The following STXBP5 variants were observed in gnomAD, a reference collection of about 807,000 sequenced individuals.
The protein encoded by STXBP5 is syntaxin-binding protein 5.
Under a neutral mutation model 152.4 loss-of-function variants are expected in STXBP5, and 50 were observed. That is an observed-to-expected ratio of 0.33 (90% CI 0.26 to 0.42). The LOEUF is 0.42. Among genes scored for constraint, STXBP5 ranks in the 10% least tolerant of loss-of-function variants. The pLI is 1.00. For missense variants in STXBP5, 1,167 were observed against 1,388.6 expected, an observed-to-expected ratio of 0.84 and a Z score of 2.54; for synonymous variants, 492 against 494.7, an observed-to-expected ratio of 0.99 and a Z score of 0.07.
chr6:147,360,964 A>G (rs1197335086), intron 23 of STXBP5, among the ~76,000 whole-genome samples: 1 of 152,174 alleles, frequency 6.6e-6, no homozygotes, highest in Admixed American at 6.5e-5. Context: ...CCATCTTTAC[A>G]TTAAATAATC....
At chr6:147,281,693 A>G (rs567936745) in intron 8 of STXBP5, among the ~76,000 whole-genome samples, 1 of 152,360 alleles carries the variant, frequency 6.6e-6, no homozygotes, top group South Asian at 2.1e-4. Context: ...GATTGCCAAG[A>G]ACTGATTATA....
At chr6:147,210,738 T>C (rs1490027517) in intron 2 of STXBP5, among the ~76,000 whole-genome samples, 2 of 152,196 alleles carry the variant, frequency 1.3e-5, no homozygotes, top group African/African-American at 4.8e-5. Flanking sequence ...GTGAGGTTAT[T>C]GTCACGATTA....
chr6:147,315,770 A>G (rs1470212599), intron 15 of STXBP5, 35 bp downstream of exon 15: 1 of 1,568,402 alleles, frequency 6.4e-7, no homozygotes. Context: ...TGGTCAAGTT[A>G]TTTTCATCCA....
intron 6 of STXBP5, among the ~76,000 whole-genome samples, chr6:147,264,742 T>G (rs1195660773): frequency 1.3e-5 from 2 of 152,140 alleles, no homozygotes; most frequent in Non-Finnish European, 2.9e-5. Context: ...ATTTCCAATT[T>G]TAATTAAGTA....
intron 21 of STXBP5, among the ~76,000 whole-genome samples, chr6:147,349,119 GTTAA>G (rs1334353056): frequency 6.6e-5 from 10 of 151,852 alleles, no homozygotes; most frequent in South Asian, 2.1e-4. Context: ...CTCTGAATCT[GTTAA>G]TTAAGAGGAT....
chr6:147,298,158 T>C (rs556106343), intron 9 of STXBP5, among the ~76,000 whole-genome samples: 1 of 151,996 alleles, frequency 6.6e-6, no homozygotes, highest in East Asian at 1.9e-4. Flanking sequence ...TGGAAAAAGA[T>C]ATTTCATGCA....
chr6:147,297,532 G>T (rs1781589314), intron 9 of STXBP5, among the ~76,000 whole-genome samples: 1 of 152,104 alleles, frequency 6.6e-6, no homozygotes, highest in Non-Finnish European at 1.5e-5. Context: ...CACAGATAGA[G>T]ATAAATTTGT....
In STXBP5 at chr6:147,210,184, A is replaced by G. The variant is rs551722705; in HGVS notation, c.248+4116A>G. ...GAAGGGCTTGACTTGTTTGTATAAAATCTTAGGGAGTAACTAAAGATGATA... is the reference window on the plus strand; with the variant it reads ...GAAGGGCTTGACTTGTTTGTATAAAGTCTTAGGGAGTAACTAAAGATGATA... On this transcript the variant is annotated intron_variant, in intron 2 of 27. Coordinates refer to ENST00000321680, the MANE Select transcript of STXBP5 (RefSeq NM_001127715.4). Among the ~76,000 whole-genome samples, 24 of 152,320 alleles carry G rather than the reference A, an allele frequency of 1.6e-4. No homozygotes were observed. In the East Asian group the frequency reaches 4.6e-3, roughly 29 times the overall value.
At chr6:147,285,043 T>C (rs1780891008) in intron 8 of STXBP5, among the ~76,000 whole-genome samples, 1 of 152,042 alleles carries the variant, frequency 6.6e-6, no homozygotes, top group Admixed American at 6.6e-5. Flanking sequence ...ATTCTGGAAT[T>C]AGAATCAATA....
chr6:147,368,240 TATAAA>T (rs994910064), intron 25 of STXBP5, among the ~76,000 whole-genome samples: 1 of 144,756 alleles, frequency 6.9e-6, no homozygotes, highest in Non-Finnish European at 1.5e-5. Flanking sequence ...CTCTCATAAA[TATAAA>T]AGCAAAATTT....
chr6:147,235,267 T>C lies in STXBP5; in HGVS notation c.266T>C (p.Val89Ala), dbSNP rs747718713. Residue 89 changes from valine (V) to alanine (A), a missense_variant, in exon 3 of 28, where the codon GTA becomes GCA. Transcript: ENST00000321680. ...GALRLFGRPG[V>A]ECYCQHDSGA... ...AATTACAGCTTTGGTCGTCCAGGAGTAGAATGTTATTGCCAGCATGACAGT... is the reference window on the plus strand; with the variant it reads ...AATTACAGCTTTGGTCGTCCAGGAGCAGAATGTTATTGCCAGCATGACAGT... 6.2e-7 allele frequency: 1 copy of C among 1,613,242 alleles called. No homozygotes were observed. The highest frequency in any genetic ancestry group is 8.5e-7 in the Non-Finnish European group (1 of 1,179,474).
intron 21 of STXBP5, among the ~76,000 whole-genome samples, chr6:147,340,746 C>G (rs1375821671): frequency 1.3e-5 from 2 of 152,104 alleles, no homozygotes; most frequent in African/African-American, 4.8e-5. Context: ...ATTAAATGTA[C>G]TGACTACCTT....
chr6:147,337,795 G>A (rs538477994), intron 19 of STXBP5, among the ~76,000 whole-genome samples: 3 of 151,934 alleles, frequency 2.0e-5, no homozygotes, highest in African/African-American at 7.2e-5. Flanking sequence ...TCAGTGTTAC[G>A]TGTGTGATAT....
intron 2 of STXBP5, among the ~76,000 whole-genome samples, chr6:147,213,475 T>TGCGCGC (rs1361174338): frequency 8.3e-5 from 11 of 132,176 alleles, no homozygotes; most frequent in Non-Finnish European, 1.8e-4. Flanking sequence ...TGTGTGTGTG[T>TGCGCGC]GTGCGCGCGC....
intron 21 of STXBP5, among the ~76,000 whole-genome samples, chr6:147,341,634 C>T (rs1312561500): frequency 6.6e-6 from 1 of 151,970 alleles, no homozygotes; most frequent in Non-Finnish European, 1.5e-5. Flanking sequence ...TTTACCTGTT[C>T]TTCGAGAGTA....
At position 147,258,964 on chromosome 6, in the gene STXBP5, A is replaced by G. The variant is rs181144597; in HGVS notation, c.432-1651A>G. Among the ~76,000 whole-genome samples, 6 of 152,204 alleles carry G rather than the reference A, an allele frequency of 3.9e-5. No individual in the cohort carries two copies. In the East Asian group the frequency reaches 7.8e-4, roughly 20 times the overall value. On this transcript the variant is annotated intron_variant, in intron 4 of 27. Transcript: ENST00000321680. ...ATGTTCAGAGCCATGACAATTTGCC[A>G]GTTAAGAAATTCTTGAGTTCATTGT...
chr6:147,310,337 TG>T (rs1782302896), intron 10 of STXBP5, 99 bp downstream of exon 10: 1 of 963,662 alleles, frequency 1.0e-6, no homozygotes, highest in Non-Finnish European at 1.4e-6. Flanking sequence ...CATCCTATTG[TG>T]CTAATTCTTC....
At chr6:147,275,596 T>C (rs541587752) in intron 7 of STXBP5, among the ~76,000 whole-genome samples, 25 of 134,528 alleles carry the variant, frequency 1.9e-4, no homozygotes, top group Middle Eastern at 4.0e-3. Flanking sequence ...CTCGCTCTGT[T>C]GCCCAGGCTG....
At chr6:147,364,429 A>G (rs1271892708) in intron 25 of STXBP5, among the ~76,000 whole-genome samples, 1 of 152,222 alleles carries the variant, frequency 6.6e-6, no homozygotes, top group Non-Finnish European at 1.5e-5. Flanking sequence ...GAACTGGTGC[A>G]TACATTTTAT....
Sources: allele counts gnomAD v4.1 joint callset (sites outside exome capture counted in the v4.1 genomes callset), GRCh38; gene constraint gnomAD v4.1.1; transcripts MANE v1.5; gene names NCBI Gene and HGNC (gene_info 2026-07-23, HGNC 2026-07-21).